CELSR1: variants seen among roughly 807,000 people sequenced by gnomAD.
CELSR1 encodes the protein adhesion G protein-coupled receptor C1.
A neutral mutation model predicts 249.1 loss-of-function variants in CELSR1; 110 were observed. The ratio of observed to expected loss-of-function variants is 0.44; its 90% confidence interval spans 0.38 to 0.52. The LOEUF (loss-of-function observed/expected upper bound fraction) is 0.52, where lower values mean the gene tolerates loss of function less well. Ranked by LOEUF, CELSR1 falls within the 20% of genes least tolerant of loss-of-function variation. The pLI is 0.00. For missense variants in CELSR1, 4,109 were observed against 4,296.4 expected (o/e 0.96, Z 1.22); for synonymous variants, 2,113 against 1,900.0 (o/e 1.11, Z -2.92).
At position 46,406,299 on chromosome 22, in the gene CELSR1, C is replaced by T. The variant is rs1372007542; in HGVS notation, c.5226+2697G>A. Among the ~76,000 whole-genome samples, 7 of 152,216 alleles carry T rather than the reference C, an allele frequency of 4.6e-5. No individual in the cohort carries two copies. Among genetic ancestry groups the T allele is most frequent in the Non-Finnish European group, 8.8e-5 (6 of 68,034 alleles). On this transcript the variant is annotated intron_variant, in intron 9 of 34. Coordinates refer to ENST00000674500, the MANE Select transcript of CELSR1 (RefSeq NM_001378328.1). This position sits in a 1 kb window ranked among gnomAD's most constrained non-coding sequence, Gnocchi z 5.4. ...AGCTTCTGGGGCTGCCTGGGAGACTCATGAAATTACAGGTTAACAAGGGCC... is the reference window on the plus strand; with the variant it reads ...AGCTTCTGGGGCTGCCTGGGAGACTTATGAAATTACAGGTTAACAAGGGCC...
At position 46,527,533 on chromosome 22, in the gene CELSR1, C is replaced by T. The variant is rs1000290613; in HGVS notation, c.3544+6094G>A. Among the ~76,000 whole-genome samples the T allele has an allele frequency of 2.6e-5, 4 of 152,232 alleles. No homozygotes were observed. The highest frequency in any genetic ancestry group is 4.8e-5 in the African/African-American group (2 of 41,458). On this transcript the variant is annotated intron_variant, in intron 1 of 34. Transcript: ENST00000674500. This position sits in a 1 kb window ranked among gnomAD's most constrained non-coding sequence, Gnocchi z 5.5. ...GGTGTCACCACTCTACCCCTGAGCTCAGCCCCCTTGCTCATCGGATGGTCC... is the reference window on the plus strand; with the variant it reads ...GGTGTCACCACTCTACCCCTGAGCTTAGCCCCCTTGCTCATCGGATGGTCC...
chr22:46,366,547 C>G, intron 29 of CELSR1, 67 bp from the exon 30 acceptor site: 1 of 1,278,352 alleles, frequency 7.8e-7, no homozygotes, highest in Non-Finnish European at 1.1e-6. Context: ...CGGGGAATGA[C>G]TCTGTCCCCA....
chr22:46,368,270 T>C (rs1227959849), intron 27 of CELSR1, among the ~76,000 whole-genome samples: 3 of 151,992 alleles, frequency 2.0e-5, no homozygotes, highest in Non-Finnish European at 1.5e-5. Context: ...AGTCTCCCCA[T>C]GTGTACAAGG....
rs8141744 is a variant in CELSR1, at chr22:46,534,210, C to T, written c.2961G>A (p.Val987=). The T allele has an allele frequency of 0.23, 376,436 of 1,613,642 alleles. 45,681 individuals carry two copies. The highest frequency in any genetic ancestry group is 0.25 in the Non-Finnish European group (297,272 of 1,179,986). The change falls in exon 1 of 35, where the codon GTG becomes GTA. Residue 987 remains valine, a synonymous_variant. Transcript: ENST00000674500. The surrounding 1 kb of genome is among the most constrained non-coding windows in gnomAD (Gnocchi z 9.7). ...CATTGTCATTAATGTCCAAGATGGT[C>T]ACCTGGATTTCTACCGAGGCGCTAA... The part of the protein sequence containing the change: ...TPLSASVEIQ[V]TILDINDNAP...
chr22:46,495,969 G>A (rs5768842), intron 1 of CELSR1, among the ~76,000 whole-genome samples: 8,840 of 151,576 alleles, frequency 0.058, 330 homozygotes, highest in East Asian at 0.14. Flanking sequence ...CAAGGTGGGC[G>A]GATCACCTGA....
At chr22:46,502,109 A>G (rs1450728854) in intron 1 of CELSR1, among the ~76,000 whole-genome samples, 1 of 151,662 alleles carries the variant, frequency 6.6e-6, no homozygotes, top group Non-Finnish European at 1.5e-5. Flanking sequence ...CAGAAAAAAT[A>G]AAGTAGCTGG....
rs550210741 is a variant in CELSR1, at chr22:46,410,811, G to A, written c.4770-250C>T. Among the ~76,000 whole-genome samples, 2 of 151,966 alleles carry A rather than the reference G, an allele frequency of 1.3e-5. No individual in the cohort carries two copies. The highest frequency in any genetic ancestry group is 4.2e-4 in the South Asian group (2 of 4,790). The stretch of plus-strand genomic sequence containing the variant: ...CGCTCACCAGTGACCACCAAGCCCC[G>A]CCCACCCAGGCTGGTCCACACCGAG... On this transcript the variant is annotated intron_variant, in intron 6 of 34. Coordinates refer to ENST00000674500, the MANE Select transcript of CELSR1 (RefSeq NM_001378328.1). This position sits in a 1 kb window ranked among gnomAD's most constrained non-coding sequence, Gnocchi z 6.8.
rs1280148471 is a variant in CELSR1, at chr22:46,535,758, G to A, written c.1413C>T (p.Asp471=). ...GCAGCACAGCCGTGTTGAGCCCCAC[G>A]TCCTCGGGCACCTGGACCACGTAGT... is the stretch of plus-strand genomic sequence containing the variant. ...EQNYVVQVPE[D]VGLNTAVLRV... Residue 471 remains aspartate, a synonymous_variant, in exon 1 of 35, where the codon GAC becomes GAT. Coordinates refer to ENST00000674500, the MANE Select transcript of CELSR1 (RefSeq NM_001378328.1). 6.8e-6 allele frequency: 11 copies of A among 1,612,388 alleles called. No homozygotes were observed. The highest frequency in any genetic ancestry group is 6.7e-5 in the Admixed American group (4 of 60,002).
At chr22:46,453,203 C>G (rs1285468780) in intron 2 of CELSR1, among the ~76,000 whole-genome samples, 1 of 152,162 alleles carries the variant, frequency 6.6e-6, no homozygotes, top group Non-Finnish European at 1.5e-5. Context: ...CACAGCAGGG[C>G]TGGAAGGGAC....
Position 46,409,913 on chromosome 22 carries a change from T to A in CELSR1, c.4934-33A>T. ...CACAGAGCGTGCGGCAGAGCCTGACTCGGAGGAACCGCCCGGGGTCCCCGG... is the reference window on the plus strand; with the variant it reads ...CACAGAGCGTGCGGCAGAGCCTGACACGGAGGAACCGCCCGGGGTCCCCGG... On this transcript the variant is annotated intron_variant, in intron 7 of 34. Transcript: ENST00000674500. The surrounding 1 kb of genome is among the most constrained non-coding windows in gnomAD (Gnocchi z 9.8). The A allele has an allele frequency of 6.2e-7, 1 of 1,606,202 alleles. No homozygotes were observed. Among genetic ancestry groups the A allele is most frequent in the Non-Finnish European group, 8.5e-7 (1 of 1,178,874 alleles).
rs1280549110 is a variant in CELSR1, at chr22:46,401,052, T to G, written c.5227-1150A>C. ...TTCTACGGGAAAAAGGATCAATCGC[T>G]TCATGGAGGTCAAGTAAGGGAAGCG... On this transcript the variant is annotated intron_variant, in intron 9 of 34. Coordinates refer to ENST00000674500, the MANE Select transcript of CELSR1 (RefSeq NM_001378328.1). The surrounding 1 kb of genome is among the most constrained non-coding windows in gnomAD (Gnocchi z 4.7). Among the ~76,000 whole-genome samples, 4 of 152,084 alleles carry G rather than the reference T, an allele frequency of 2.6e-5. No homozygotes were observed. Among genetic ancestry groups the G allele is most frequent in the African/African-American group, 9.7e-5 (4 of 41,398 alleles).
intron 19 of CELSR1, among the ~76,000 whole-genome samples, chr22:46,385,317 G>C (rs551544690): frequency 1.3e-5 from 2 of 151,944 alleles, no homozygotes; most frequent in Non-Finnish European, 2.9e-5. Context: ...GGCTGGTTTC[G>C]AACTCCTGGG....
chr22:46,429,326 C>T lies in CELSR1; in HGVS notation c.4611+4067G>A, dbSNP rs1450535312. Among the ~76,000 whole-genome samples, 1 of 152,114 alleles carries T rather than the reference C, an allele frequency of 6.6e-6. No homozygotes were observed. Among genetic ancestry groups the T allele is most frequent in the Non-Finnish European group, 1.5e-5 (1 of 68,028 alleles). On this transcript the variant is annotated intron_variant, in intron 5 of 34. Transcript: ENST00000674500. The surrounding 1 kb of genome is among the most constrained non-coding windows in gnomAD (Gnocchi z 4.1). ...TGAAGTTGTGGACACACCTTCAAAC[C>T]AGCCTTGAGGGAAAAAACAAACAAA...
Position 46,380,970 on chromosome 22 carries a change from C to A in CELSR1, c.7089-15G>T, listed in dbSNP as rs200718606. The stretch of plus-strand genomic sequence containing the variant: ...GGTGAGGCAACCTGAGGTCAAGAAG[C>A]CAGAGCATGGGGACAAACACGGTGA... On this transcript the variant is annotated splice_polypyrimidine_tract_variant and intron_variant, in intron 21 of 34. Coordinates refer to ENST00000674500, the MANE Select transcript of CELSR1 (RefSeq NM_001378328.1). The surrounding 1 kb of genome is among the most constrained non-coding windows in gnomAD (Gnocchi z 5.1). 7.5e-6 allele frequency: 12 copies of A among 1,609,422 alleles called. No homozygotes were observed. The Admixed American group carries it at 1.7e-4, about 22-fold the overall frequency.
Position 46,369,939 on chromosome 22 carries a change from G to C in CELSR1, c.7760-135C>G, listed in dbSNP as rs530127453. 9.7e-5 allele frequency: 73 copies of C among 756,206 alleles called. No homozygotes were observed. The South Asian group carries it at 1.1e-3, about 11-fold the overall frequency. The allele number at this position is 756,206 out of a possible 1,614,324, so 46.8% of individuals were successfully genotyped here. On this transcript the variant is annotated intron_variant, in intron 25 of 34. Transcript: ENST00000674500. ...TCAGAGGAAGGAGCAAGGAGTCCAGGGAGCCAGCCCAGGGCCCCTCCAAGC... is the reference window on the plus strand; with the variant it reads ...TCAGAGGAAGGAGCAAGGAGTCCAGCGAGCCAGCCCAGGGCCCCTCCAAGC...
chr22:46,463,574 C>T, intron 2 of CELSR1, 133 bp downstream of exon 2: 2 of 933,438 alleles, frequency 2.1e-6, no homozygotes, highest in Non-Finnish European at 3.0e-6. Flanking sequence ...GTTCGTGGAG[C>T]CCACACCTGG....
intron 1 of CELSR1, among the ~76,000 whole-genome samples, chr22:46,467,821 C>CA (rs953637458): frequency 2.7e-5 from 4 of 150,402 alleles, no homozygotes; most frequent in South Asian, 2.1e-4. Context: ...GACTCCATCT[C>CA]AAAAAAAAGA....
rs374618182 is a variant in CELSR1, at chr22:46,390,176, G to C, written c.6345+216C>G. Among the ~76,000 whole-genome samples the C allele has an allele frequency of 6.6e-6, 1 of 152,160 alleles. No homozygotes were observed. Among genetic ancestry groups the C allele is most frequent in the Non-Finnish European group, 1.5e-5 (1 of 68,028 alleles). ...ACACAGAGCTGGGTCCTCTGGGGGAGAGAAGTCCACGTGGGGGTGCCTGGC... is the reference window on the plus strand; with the variant it reads ...ACACAGAGCTGGGTCCTCTGGGGGACAGAAGTCCACGTGGGGGTGCCTGGC... On this transcript the variant is annotated intron_variant, in intron 17 of 34. Transcript: ENST00000674500. The surrounding 1 kb of genome is among the most constrained non-coding windows in gnomAD (Gnocchi z 6.3).
intron 5 of CELSR1, among the ~76,000 whole-genome samples, chr22:46,420,141 C>T (rs1231030445): frequency 1.3e-5 from 2 of 151,996 alleles, no homozygotes; most frequent in African/African-American, 2.4e-5. Context: ...TATACACTCA[C>T]CCACTCAAAT....
Sources: allele counts gnomAD v4.1 joint callset (sites outside exome capture counted in the v4.1 genomes callset), GRCh38; gene constraint gnomAD v4.1.1; non-coding constraint Gnocchi (gnomAD v3.1); transcripts MANE v1.5; gene names NCBI Gene and HGNC (gene_info 2026-07-23, HGNC 2026-07-21).